Variants in CADM2 observed in about 807,000 individuals in gnomAD.
The protein encoded by CADM2 is immunoglobulin superfamily member 4D.
CADM2 carries 12 observed loss-of-function variants against 49.8 expected under a neutral mutation model. That is an observed-to-expected ratio of 0.24 (90% CI 0.15 to 0.39). CADM2 has a LOEUF of 0.39. CADM2 is among the 10% of genes least tolerant of loss of function. The pLI, the probability that CADM2 is intolerant of heterozygous loss-of-function variation, is 1.00. For synonymous variants in CADM2, 214 were observed against 175.4 expected (o/e 1.22, Z -1.74); for missense variants, 378 against 492.3 (o/e 0.77, Z 2.20).
chr3:85,308,340 C>CACACACACACAA (rs762259586), intron 1 of CADM2, among the ~76,000 whole-genome samples: 1 of 149,134 alleles, frequency 6.7e-6, no homozygotes, highest in African/African-American at 2.5e-5. Context: ...CACACACACA[C>CACACACACACAA]AACACTCCAT....
chr3:85,700,154 C>T (rs1470457467), intron 1 of CADM2, among the ~76,000 whole-genome samples: 1 of 152,222 alleles, frequency 6.6e-6, no homozygotes, highest in East Asian at 1.9e-4. Context: ...ACTATGCAGC[C>T]ATAAAAAAGA....
chr3:85,783,615 G>A (rs963366164), intron 2 of CADM2, among the ~76,000 whole-genome samples: 28 of 152,124 alleles, frequency 1.8e-4, no homozygotes, highest in African/African-American at 5.8e-4. Flanking sequence ...AGAAAAAAAC[G>A]AAAGAAGTGC....
At chr3:85,316,211 G>GTATAT (rs1478707490) in intron 1 of CADM2, among the ~76,000 whole-genome samples, 1 of 152,010 alleles carries the variant, frequency 6.6e-6, no homozygotes, top group East Asian at 1.9e-4. Flanking sequence ...TCATGTCTAT[G>GTATAT]CTTTAAAAAT....
chr3:85,980,075 A>G (rs541091095), intron 8 of CADM2, among the ~76,000 whole-genome samples: 1 of 151,654 alleles, frequency 6.6e-6, no homozygotes, highest in East Asian at 2.0e-4. Context: ...AAGCCATTAT[A>G]GAAAAACATG....
intron 3 of CADM2, among the ~76,000 whole-genome samples, chr3:85,848,943 T>C (rs1264194417): frequency 6.6e-6 from 1 of 152,182 alleles, no homozygotes; most frequent in Non-Finnish European, 1.5e-5. Context: ...TTTTACTAAA[T>C]TGACACATCT....
chr3:85,653,732 C>A (rs965176669), intron 1 of CADM2, among the ~76,000 whole-genome samples: 1 of 151,976 alleles, frequency 6.6e-6, no homozygotes, highest in Non-Finnish European at 1.5e-5. Context: ...TGGGCGTATA[C>A]GGCATCACCT....
chr3:85,408,863 C>T (rs1185748311), intron 1 of CADM2, among the ~76,000 whole-genome samples: 1 of 152,032 alleles, frequency 6.6e-6, no homozygotes, highest in Non-Finnish European at 1.5e-5. Flanking sequence ...ATAAAGTTTA[C>T]AAATAAACAA....
At chr3:86,004,937 A>G (rs966938085) in intron 8 of CADM2, among the ~76,000 whole-genome samples, 16 of 152,116 alleles carry the variant, frequency 1.1e-4, no homozygotes, top group African/African-American at 3.9e-4. Context: ...AAGGCCTTTC[A>G]GTTTCTCCCT....
chr3:85,673,516 A>C (rs1005887986), intron 1 of CADM2, among the ~76,000 whole-genome samples: 1 of 151,888 alleles, frequency 6.6e-6, no homozygotes, highest in Non-Finnish European at 1.5e-5. Flanking sequence ...ACCTGCCCAA[A>C]AAAGCCAAAA....
At chr3:85,211,906 G>A (rs773068797) in intron 1 of CADM2, among the ~76,000 whole-genome samples, 5 of 151,998 alleles carry the variant, frequency 3.3e-5, no homozygotes, top group Non-Finnish European at 5.9e-5. Context: ...TTGTTTTGGG[G>A]TCTGTCCCTC....
At chr3:85,711,581 A>T (rs765375748) in intron 1 of CADM2, among the ~76,000 whole-genome samples, 1 of 152,130 alleles carries the variant, frequency 6.6e-6, no homozygotes, top group Non-Finnish European at 1.5e-5. Flanking sequence ...TTGTAGGTTT[A>T]TTATCTTTTC....
chr3:86,042,063 G>A (rs1022288077), intron 8 of CADM2, among the ~76,000 whole-genome samples: 4 of 152,052 alleles, frequency 2.6e-5, no homozygotes, highest in Non-Finnish European at 5.9e-5. Flanking sequence ...AGAAACTCTG[G>A]GACACATTCA....
At chr3:84,976,099 A>G (rs1234933219) in intron 1 of CADM2, among the ~76,000 whole-genome samples, 2 of 151,836 alleles carry the variant, frequency 1.3e-5, no homozygotes, top group Non-Finnish European at 3.0e-5. Flanking sequence ...AAGATTATAT[A>G]AAAAGTATGT....
At chr3:85,469,838 C>G (rs2038688213) in intron 1 of CADM2, among the ~76,000 whole-genome samples, 1 of 152,158 alleles carries the variant, frequency 6.6e-6, no homozygotes, top group Non-Finnish European at 1.5e-5. Context: ...GCCTACAACT[C>G]TATCTGGCAC....
intron 1 of CADM2, among the ~76,000 whole-genome samples, chr3:85,634,679 T>C (rs1320305922): frequency 6.6e-6 from 1 of 152,052 alleles, no homozygotes; most frequent in African/African-American, 2.4e-5. Flanking sequence ...TAATGCAATT[T>C]TACATATATA....
intron 1 of CADM2, among the ~76,000 whole-genome samples, chr3:85,581,404 A>T (rs2062791970): frequency 6.6e-6 from 1 of 151,444 alleles, no homozygotes; most frequent in South Asian, 2.1e-4. Flanking sequence ...ATTAGAAAAA[A>T]TTCTTCCTGA....
chr3:85,383,991 G>A (rs1352423511), intron 1 of CADM2, among the ~76,000 whole-genome samples: 7 of 152,118 alleles, frequency 4.6e-5, no homozygotes, highest in Non-Finnish European at 1.0e-4. Context: ...TTGTACATGT[G>A]CAGTAATTTC....
intron 1 of CADM2, among the ~76,000 whole-genome samples, chr3:85,197,930 T>C (rs780239563): frequency 1.3e-5 from 2 of 151,882 alleles, no homozygotes; most frequent in Non-Finnish European, 2.9e-5. Flanking sequence ...TCTTTTGTCT[T>C]CAAGTCAGGT....
chr3:85,536,497 C>T (rs1026799603), intron 1 of CADM2, among the ~76,000 whole-genome samples: 2 of 151,022 alleles, frequency 1.3e-5, no homozygotes, highest in African/African-American at 4.9e-5. Flanking sequence ...TAAAAAATGA[C>T]ATTTATTATT....
Sources: allele counts gnomAD v4.1 joint callset (sites outside exome capture counted in the v4.1 genomes callset), GRCh38; gene constraint gnomAD v4.1.1; transcripts MANE v1.5; gene names NCBI Gene and HGNC (gene_info 2026-07-23, HGNC 2026-07-21).